Variants in ADAMTSL1 observed in about 807,000 individuals in gnomAD.
ADAMTSL1 encodes the protein ADAMTS-like protein 1.
In ADAMTSL1, 126 loss-of-function variants were observed where a neutral mutation model predicts 201.8. The observed-to-expected ratio is 0.62, with a 90% CI of 0.54 to 0.72. The LOEUF (loss-of-function observed/expected upper bound fraction) is 0.72. Ranked by LOEUF, ADAMTSL1 falls within the 30% of genes least tolerant of loss-of-function variation. The probability of loss-of-function intolerance (pLI) is 0.00; values close to 1 mark genes in which losing one functional copy is unlikely to be tolerated. For synonymous variants in ADAMTSL1, 1,121 were observed against 903.4 expected (o/e 1.24, Z -4.32); for missense variants, 2,679 against 2,277.8 (o/e 1.18, Z -3.59).
Position 18,758,934 on chromosome 9 carries a change from A to G in ADAMTSL1, c.2217+5426A>G, listed in dbSNP as rs572455698. Among the ~76,000 whole-genome samples, 24 of 152,326 alleles carry G rather than the reference A, an allele frequency of 1.6e-4. No homozygotes were observed. In the South Asian group the frequency reaches 4.1e-3, roughly 26 times the overall value. Reference sequence around the variant, plus strand: ...CTCTCTATATCTAATATATCAATGTATATATCATATGCATCAATATTCCTT... The same window carrying G: ...CTCTCTATATCTAATATATCAATGTGTATATCATATGCATCAATATTCCTT... On this transcript the variant is annotated intron_variant, in intron 16 of 28. Transcript: ENST00000380548.
At position 18,327,804 on chromosome 9, in the gene ADAMTSL1, G is replaced by C. The variant is rs189513948; in HGVS notation, c.207+163823G>C. Among the ~76,000 whole-genome samples, 956 of 152,236 alleles carry C rather than the reference G, an allele frequency of 6.3e-3. 15 individuals are homozygous for C. The highest frequency in any genetic ancestry group is 6.8e-3 in the Middle Eastern group (2 of 292). ...AAATAACCCAAAATAAATCCAATTA[G>C]GAAAAGAAATGTTAGGCAGAAATAT... On this transcript the variant is annotated intron_variant, in intron 2 of 29. Transcript: ENST00000680146.
At chr9:18,052,713 ATTC>A (rs2131671867) in intron 1 of ADAMTSL1, among the ~76,000 whole-genome samples, 2 of 152,100 alleles carry the variant, frequency 1.3e-5, no homozygotes, top group African/African-American at 4.8e-5. Context: ...CATCATCATC[ATTC>A]TTTTTTATTT....
chr9:18,748,689 C>G (rs745525949), intron 15 of ADAMTSL1, among the ~76,000 whole-genome samples: 12 of 152,208 alleles, frequency 7.9e-5, no homozygotes, highest in Non-Finnish European at 1.3e-4. Context: ...CAGTTCACTG[C>G]AAATTCAACT....
chr9:18,676,992 A>G (rs1830167353), intron 10 of ADAMTSL1, among the ~76,000 whole-genome samples: 1 of 152,076 alleles, frequency 6.6e-6, no homozygotes, highest in Admixed American at 6.6e-5. Context: ...ATATATATTT[A>G]CGCAAATATG....
intron 2 of ADAMTSL1, among the ~76,000 whole-genome samples, chr9:18,377,487 C>G (rs911419959): frequency 6.6e-6 from 1 of 152,156 alleles, no homozygotes; most frequent in Middle Eastern, 3.2e-3. Context: ...GTTGGCATTT[C>G]TAAGTATAAA....
intron 2 of ADAMTSL1, among the ~76,000 whole-genome samples, chr9:18,524,727 A>T (rs1359234005): frequency 6.6e-6 from 1 of 152,160 alleles, no homozygotes; most frequent in African/African-American, 2.4e-5. Context: ...GGTTCTGTTT[A>T]TATGCTGGAT....
intron 1 of ADAMTSL1, among the ~76,000 whole-genome samples, chr9:17,949,024 C>G (rs998235576): frequency 1.3e-5 from 2 of 152,206 alleles, no homozygotes; most frequent in African/African-American, 4.8e-5. Flanking sequence ...AAATTTTATC[C>G]CACTGTAAGA....
At chr9:18,360,334 G>T (rs1836463362) in intron 2 of ADAMTSL1, among the ~76,000 whole-genome samples, 1 of 152,140 alleles carries the variant, frequency 6.6e-6, no homozygotes, top group African/African-American at 2.4e-5. Context: ...GACAACCTAG[G>T]AGTCCTGTCA....
chr9:18,532,531 A>G (rs1396165308), intron 2 of ADAMTSL1, among the ~76,000 whole-genome samples: 3 of 152,114 alleles, frequency 2.0e-5, no homozygotes, highest in African/African-American at 7.2e-5. Flanking sequence ...GTAGCTCTCA[A>G]AATGGTGTTT....
At chr9:18,252,839 A>C (rs2132497559) in intron 2 of ADAMTSL1, among the ~76,000 whole-genome samples, 1 of 152,342 alleles carries the variant, frequency 6.6e-6, no homozygotes, top group East Asian at 1.9e-4. Context: ...TGCTGTATCT[A>C]ATAAAATTTA....
Position 18,291,147 on chromosome 9 carries a change from TGTAG to T in ADAMTSL1, c.207+127170_207+127173del, listed in dbSNP as rs1016618964. On this transcript the variant is annotated intron_variant, in intron 2 of 29. Coordinates refer to the ADAMTSL1 transcript ENST00000680146. ...ATCCTAAGTCATCTAGCTAGGGATATGTAGGTAAGCTGAGGAAGAAGAGAGGAAG... is the reference window on the plus strand; with the variant it reads ...ATCCTAAGTCATCTAGCTAGGGATATGTAAGCTGAGGAAGAAGAGAGGAAG... Among the ~76,000 whole-genome samples the T allele has an allele frequency of 4.2e-4, 48 of 115,596 alleles. 1 individual carries two copies. Among genetic ancestry groups the T allele is most frequent in the African/African-American group, 1.2e-3 (46 of 37,058 alleles). The allele number at this position is 115,596 out of a possible 152,430, so 75.8% of individuals were successfully genotyped here. A position where few individuals can be genotyped will look rare whatever the true frequency, so the allele number is the denominator to read the frequency against.
chr9:18,821,896 TA>T, intron 21 of ADAMTSL1, among the ~76,000 whole-genome samples: 1 of 152,096 alleles, frequency 6.6e-6, no homozygotes, highest in Non-Finnish European at 1.5e-5. Context: ...TGGGACTTTT[TA>T]AAAAAGAATA....
At chr9:18,305,731 C>T (rs73428964) in intron 2 of ADAMTSL1, among the ~76,000 whole-genome samples, 10,713 of 152,224 alleles carry the variant, frequency 0.07, 1,219 homozygotes, top group African/African-American at 0.24. Context: ...AGCAAACTCC[C>T]ATCTCCTTGG....
chr9:18,332,024 A>G (rs1835049598), intron 2 of ADAMTSL1, among the ~76,000 whole-genome samples: 1 of 152,198 alleles, frequency 6.6e-6, no homozygotes, highest in Admixed American at 6.5e-5. Flanking sequence ...TTGATCTCTC[A>G]GGGATGTGGA....
At chr9:18,429,681 A>G (rs961963493) in intron 2 of ADAMTSL1, among the ~76,000 whole-genome samples, 11 of 152,178 alleles carry the variant, frequency 7.2e-5, no homozygotes, top group Non-Finnish European at 1.3e-4. Flanking sequence ...CCCCTTTAGA[A>G]GGAGGGGTCT....
chr9:18,037,727 T>C (rs1429564581), intron 1 of ADAMTSL1, among the ~76,000 whole-genome samples: 1 of 152,212 alleles, frequency 6.6e-6, no homozygotes, highest in Admixed American at 6.5e-5. Flanking sequence ...ATTTTTTATG[T>C]ATGTAACAAG....
chr9:18,824,220 C>T (rs1824394319), intron 21 of ADAMTSL1, among the ~76,000 whole-genome samples: 1 of 151,836 alleles, frequency 6.6e-6, no homozygotes, highest in African/African-American at 2.4e-5. Context: ...GCTCAGGGTC[C>T]AAAGTCCAAG....
In ADAMTSL1 at chr9:17,921,739, ACC is replaced by A. The variant is rs531664025; in HGVS notation, c.87+14819_87+14820del. Among the ~76,000 whole-genome samples the A allele has an allele frequency of 2.5e-3, 382 of 152,176 alleles. 2 individuals are homozygous for A. Among genetic ancestry groups the A allele is most frequent in the African/African-American group, 8.9e-3 (368 of 41,532 alleles). Reference sequence around the variant, plus strand: ...CCAGGGTCTAGTTCTGGATTTAGTGACCCTTTCTGCAAGTACAAATGTCAGAA... The same window carrying A: ...CCAGGGTCTAGTTCTGGATTTAGTGACTTTCTGCAAGTACAAATGTCAGAA... On this transcript the variant is annotated intron_variant, in intron 1 of 29. Transcript: ENST00000680146.
chr9:18,110,941 G>A (rs970441568), intron 1 of ADAMTSL1, among the ~76,000 whole-genome samples: 4 of 152,084 alleles, frequency 2.6e-5, no homozygotes, highest in Non-Finnish European at 5.9e-5. Flanking sequence ...ACAAACTTAG[G>A]TGAAGCAAAT....
Sources: gnomAD v4.1 joint callset for allele counts (sites outside exome capture counted in the v4.1 genomes callset) on GRCh38, gnomAD v4.1.1 for gene constraint, MANE v1.5 for transcripts, NCBI Gene and HGNC (gene_info 2026-07-23, HGNC 2026-07-21) for gene names.